Variants in MEF2A observed in about 807,000 individuals in gnomAD.
The protein encoded by MEF2A is myocyte-specific enhancer factor 2A.
A neutral mutation model predicts 55.8 loss-of-function variants in MEF2A; 28 were observed. The ratio of observed to expected loss-of-function variants is 0.50; its 90% CI spans 0.37 to 0.69. The LOEUF (loss-of-function observed/expected upper bound fraction) is 0.69, where lower values mean the gene tolerates loss of function less well. Among genes scored for constraint, MEF2A ranks in the 30% least tolerant of loss-of-function variants. The probability of loss-of-function intolerance (pLI) is 0.00; values close to 1 mark genes in which losing one functional copy is unlikely to be tolerated. For missense variants in MEF2A, 528 were observed against 626.2 expected (o/e 0.84, Z 1.67); for synonymous variants, 239 against 227.1 (o/e 1.05, Z -0.47).
At chr15:99,648,068 T>C (rs912718663) in intron 4 of MEF2A, among the ~76,000 whole-genome samples, 2 of 152,190 alleles carry the variant, frequency 1.3e-5, no homozygotes, top group Admixed American at 1.3e-4. Flanking sequence ...TTTGCTATGG[T>C]TCAAATTAAA....
At chr15:99,686,920 AT>A (rs61006528) in intron 7 of MEF2A, among the ~76,000 whole-genome samples, 7 of 147,968 alleles carry the variant, frequency 4.7e-5, no homozygotes, top group African/African-American at 7.5e-5. Flanking sequence ...TTGTTTTTTG[AT>A]TTTTTTTTTA....
At chr15:99,687,095 T>C (rs1018661800) in intron 7 of MEF2A, among the ~76,000 whole-genome samples, 7 of 140,490 alleles carry the variant, frequency 5.0e-5, no homozygotes, top group Non-Finnish European at 9.3e-5. Context: ...TTTTTTTTTT[T>C]TTTTTTTTTT....
chr15:99,712,319 C>G lies in MEF2A; in HGVS notation c.1137-71C>G. The G allele has an allele frequency of 4.8e-6, 7 of 1,456,932 alleles. No individual in the cohort carries two copies. Among genetic ancestry groups the G allele is most frequent in the South Asian group, 2.9e-5 (2 of 69,602 alleles). 90.3% of individuals were successfully genotyped at this position (1,456,932 alleles called of 1,614,324 possible). A position where few individuals can be genotyped will look rare whatever the true frequency, so the allele number is the denominator to read the frequency against. On this transcript the variant is annotated intron_variant, in intron 11 of 11. Transcript: ENST00000557942. This position sits in a 1 kb window ranked among gnomAD's most constrained non-coding sequence, Gnocchi z 4.1. The stretch of plus-strand genomic sequence containing the variant: ...TGGGCCCTTTTCCATCAGGCAGTGT[C>G]TCTACTGTATCATCCCAGTTTTGCA...
At chr15:99,684,535 C>T (rs1307116218) in intron 7 of MEF2A, among the ~76,000 whole-genome samples, 2 of 152,092 alleles carry the variant, frequency 1.3e-5, no homozygotes, top group Non-Finnish European at 2.9e-5. Context: ...CTATTCATGG[C>T]CTTTGCCCAC....
intron 1 of MEF2A, among the ~76,000 whole-genome samples, chr15:99,588,464 G>A (rs1321429832): frequency 6.6e-6 from 1 of 151,800 alleles, no homozygotes; most frequent in Non-Finnish European, 1.5e-5. Context: ...ACCATGCCCA[G>A]CTAATTTTTG....
chr15:99,592,125 C>T (rs1969503690), intron 1 of MEF2A, among the ~76,000 whole-genome samples: 1 of 150,758 alleles, frequency 6.6e-6, no homozygotes, highest in African/African-American at 2.4e-5. Flanking sequence ...CGTGTATGAA[C>T]CTTTTGAGCT....
chr15:99,574,166 G>T (rs1963495057), intron 1 of MEF2A, among the ~76,000 whole-genome samples: 1 of 152,028 alleles, frequency 6.6e-6, no homozygotes, highest in Non-Finnish European at 1.5e-5. Flanking sequence ...TACCACATTT[G>T]CTTTGTCGTT....
intron 7 of MEF2A, among the ~76,000 whole-genome samples, chr15:99,677,112 A>C (rs1317654206): frequency 6.6e-6 from 1 of 151,316 alleles, no homozygotes; most frequent in Non-Finnish European, 1.5e-5. Flanking sequence ...CAAGAGCAAA[A>C]CGCTGTCTCA....
At chr15:99,697,397 G>C (rs906532844) in intron 8 of MEF2A, among the ~76,000 whole-genome samples, 1 of 151,610 alleles carries the variant, frequency 6.6e-6, no homozygotes, top group Non-Finnish European at 1.5e-5. Context: ...AAGGTTGCAG[G>C]GTACAAAGTT....
chr15:99,708,709 C>A (rs547525418), intron 10 of MEF2A, among the ~76,000 whole-genome samples: 1 of 152,170 alleles, frequency 6.6e-6, no homozygotes, highest in Non-Finnish European at 1.5e-5. Context: ...AGCAGTGAAG[C>A]CTGGGGGGAA....
At chr15:99,574,684 C>T (rs760169686) in intron 1 of MEF2A, among the ~76,000 whole-genome samples, 4 of 152,138 alleles carry the variant, frequency 2.6e-5, no homozygotes, top group South Asian at 2.1e-4. Context: ...GTAATGCAAG[C>T]GACGGGGAGC....
intron 4 of MEF2A, among the ~76,000 whole-genome samples, chr15:99,652,637 A>T (rs939634963): frequency 1.3e-5 from 2 of 152,204 alleles, no homozygotes; most frequent in African/African-American, 4.8e-5. Context: ...GAAGTAAACC[A>T]GGTCCACATG....
intron 4 of MEF2A, among the ~76,000 whole-genome samples, chr15:99,663,507 T>C (rs2049033009): frequency 6.6e-6 from 1 of 151,938 alleles, no homozygotes; most frequent in Admixed American, 6.5e-5. Flanking sequence ...ACAAGCTTAT[T>C]TTCCATGGAA....
chr15:99,612,087 G>T (rs1164145982), intron 2 of MEF2A, among the ~76,000 whole-genome samples: 1 of 152,060 alleles, frequency 6.6e-6, no homozygotes, highest in Non-Finnish European at 1.5e-5. Flanking sequence ...ATTAGATAGT[G>T]GTAATAGTTG....
chr15:99,614,511 T>C (rs2039869347), intron 2 of MEF2A, among the ~76,000 whole-genome samples: 1 of 152,218 alleles, frequency 6.6e-6, no homozygotes, highest in African/African-American at 2.4e-5. Context: ...CAGCTGAGGT[T>C]ATAGGAGTAA....
At chr15:99,583,162 G>A (rs191528635) in intron 1 of MEF2A, among the ~76,000 whole-genome samples, 5 of 151,990 alleles carry the variant, frequency 3.3e-5, no homozygotes, top group East Asian at 1.9e-4. Flanking sequence ...CTTTTTGTTC[G>A]TTTTAAATAG....
intron 1 of MEF2A, among the ~76,000 whole-genome samples, chr15:99,582,106 T>C (rs906399809): frequency 3.9e-5 from 6 of 152,172 alleles, no homozygotes; most frequent in African/African-American, 1.4e-4. Flanking sequence ...CAGTTTGTAA[T>C]CGTGGAAGTG....
intron 2 of MEF2A, among the ~76,000 whole-genome samples, chr15:99,619,455 T>C (rs1308899087): frequency 1.3e-5 from 2 of 152,148 alleles, no homozygotes; most frequent in Admixed American, 1.3e-4. Flanking sequence ...TTTTTCAGAT[T>C]TAAAATGGGG....
At chr15:99,662,192 T>C (rs1383354467) in intron 4 of MEF2A, among the ~76,000 whole-genome samples, 1 of 152,096 alleles carries the variant, frequency 6.6e-6, no homozygotes, top group Non-Finnish European at 1.5e-5. Context: ...TGAAGGGAGA[T>C]AGGGAGGGTT....
Sources: gnomAD v4.1 joint callset for allele counts (sites outside exome capture counted in the v4.1 genomes callset) on GRCh38, gnomAD v4.1.1 for gene constraint, Gnocchi (gnomAD v3.1) non-coding constraint, MANE v1.5 for transcripts, NCBI Gene and HGNC (gene_info 2026-07-23, HGNC 2026-07-21) for gene names.